B3GAT2: variants seen among roughly 807,000 people sequenced by gnomAD.
B3GAT2 encodes the protein galactosylgalactosylxylosylprotein 3-beta-glucuronosyltransferase 2.
B3GAT2 carries 26 observed loss-of-function variants against 27.8 expected under a neutral mutation model. The observed-to-expected ratio is 0.93, with a 90% CI of 0.68 to 1.30. The LOEUF (loss-of-function observed/expected upper bound fraction) is 1.30. Ranked by LOEUF, B3GAT2 falls within the 50% of genes most tolerant of loss-of-function variation. The probability of loss-of-function intolerance (pLI) is 0.00; values close to 1 mark genes in which losing one functional copy is unlikely to be tolerated. For missense variants in B3GAT2, 458 were observed against 459.0 expected (o/e 1.00, Z 0.02); for synonymous variants, 218 against 195.1 (o/e 1.12, Z -0.98).
At chr6:70,875,235 G>C (rs1261805125) in intron 2 of B3GAT2, among the ~76,000 whole-genome samples, 1 of 149,206 alleles carries the variant, frequency 6.7e-6, no homozygotes, top group East Asian at 2.0e-4. Flanking sequence ...CTGTAATGTA[G>C]GGTTTGATGA....
intron 1 of B3GAT2, among the ~76,000 whole-genome samples, chr6:70,937,971 T>C (rs1343763873): frequency 6.6e-6 from 1 of 151,356 alleles, no homozygotes; most frequent in East Asian, 1.9e-4. Context: ...TTGTCCCTGT[T>C]TGCAGACGAC....
At chr6:70,889,585 T>C (rs1772251899) in intron 2 of B3GAT2, among the ~76,000 whole-genome samples, 1 of 152,104 alleles carries the variant, frequency 6.6e-6, no homozygotes, top group South Asian at 2.1e-4. Flanking sequence ...ACCTCAGTCC[T>C]TAGAATCAGA....
chr6:70,904,911 C>G (rs563007435), intron 1 of B3GAT2, among the ~76,000 whole-genome samples: 6 of 152,062 alleles, frequency 3.9e-5, no homozygotes, highest in Admixed American at 6.6e-5. Context: ...GCCAAGTGGT[C>G]AAGTTTGGCA....
chr6:70,915,477 G>C (rs1194389218), intron 1 of B3GAT2, among the ~76,000 whole-genome samples: 1 of 152,136 alleles, frequency 6.6e-6, no homozygotes, highest in East Asian at 1.9e-4. Context: ...TAAAGTCTTT[G>C]CCCATGCCTA....
chr6:70,942,491 T>C (rs1765410979), intron 1 of B3GAT2, among the ~76,000 whole-genome samples: 1 of 152,174 alleles, frequency 6.6e-6, no homozygotes, highest in Non-Finnish European at 1.5e-5. Context: ...CCTGTTGTTC[T>C]TTACTTCTCA....
chr6:70,920,170 C>A (rs1297732830), intron 1 of B3GAT2, among the ~76,000 whole-genome samples: 1 of 152,174 alleles, frequency 6.6e-6, no homozygotes, highest in African/African-American at 2.4e-5. Flanking sequence ...CATCCCAGGT[C>A]GATCTCAGAC....
intron 2 of B3GAT2, among the ~76,000 whole-genome samples, chr6:70,882,777 C>T (rs891103349): frequency 2.6e-5 from 4 of 152,022 alleles, no homozygotes; most frequent in East Asian, 1.9e-4. Context: ...GAATGCATGC[C>T]GCAGAGGAAA....
At chr6:70,953,174 G>A (rs1390124232) in intron 1 of B3GAT2, among the ~76,000 whole-genome samples, 4 of 152,162 alleles carry the variant, frequency 2.6e-5, no homozygotes, top group Non-Finnish European at 5.9e-5. Context: ...TGAGATATAT[G>A]CCTCAGCCCT....
chr6:70,956,256 G>T lies in B3GAT2; in HGVS notation c.174C>A (p.Gly58=). The change falls in exon 1 of 4, where the codon GGC becomes GGA. Residue 58 remains glycine, a synonymous_variant. Transcript: ENST00000230053. ...TGCGCTTTTGGGTCCCGTGAGCCGG[G>T]CCGCCCCTGCGGAGCGGGAGTCGGG... The part of the protein sequence containing the change: ...GGARLPLRRG[G]PAHGTQKRNQ... 1.2e-6 allele frequency: 2 copies of T among 1,610,978 alleles called. No individual in the cohort carries two copies. The highest frequency in any genetic ancestry group is 2.7e-5 in the African/African-American group (2 of 75,002).
rs950207910 is a variant in B3GAT2 at position 70,860,829 on chromosome 6, T to C, written c.*834A>G. The C allele has an allele frequency of 1.3e-5, 5 of 396,468 alleles. No individual in the cohort carries two copies. The highest frequency in any genetic ancestry group is 1.0e-4 in the African/African-American group (5 of 48,558). The allele number at this position is 396,468 out of a possible 1,614,324, so 24.6% of individuals were successfully genotyped here. On this transcript the variant is annotated 3_prime_UTR_variant, in exon 4 of 4. Coordinates refer to ENST00000230053, the MANE Select transcript of B3GAT2 (RefSeq NM_080742.3). The stretch of plus-strand genomic sequence containing the variant: ...AAAATGCTCTTATTTCATCATTCAC[T>C]TCACTGTGCTGTTGTTATGATGTGC...
At chr6:70,894,385 C>G in intron 1 of B3GAT2, 113 bp from the exon 2 acceptor site, 1 of 1,203,938 alleles carries the variant, frequency 8.3e-7, no homozygotes, top group African/African-American at 1.5e-5. Context: ...ATTTCAAAAG[C>G]TGAAGGTTTC....
At chr6:70,948,015 T>C (rs1582401242) in intron 1 of B3GAT2, among the ~76,000 whole-genome samples, 1 of 151,978 alleles carries the variant, frequency 6.6e-6, no homozygotes, top group Non-Finnish European at 1.5e-5. Context: ...AAAAGGCCTT[T>C]GACAAAATTC....
intron 1 of B3GAT2, among the ~76,000 whole-genome samples, chr6:70,913,430 T>C (rs1772719327): frequency 6.6e-6 from 1 of 152,232 alleles, no homozygotes; most frequent in Non-Finnish European, 1.5e-5. Context: ...TCAAAAAATG[T>C]CTTGATTTCT....
At chr6:70,935,815 C>A (rs893111753) in intron 1 of B3GAT2, among the ~76,000 whole-genome samples, 8 of 152,080 alleles carry the variant, frequency 5.3e-5, no homozygotes, top group African/African-American at 1.9e-4. Flanking sequence ...AACGTAAAGA[C>A]CATCAAGGCT....
At chr6:70,944,796 C>T (rs944111309) in intron 1 of B3GAT2, among the ~76,000 whole-genome samples, 6 of 152,200 alleles carry the variant, frequency 3.9e-5, no homozygotes, top group African/African-American at 7.2e-5. Context: ...CCCTGACCCC[C>T]GAGCAGCCTA....
In B3GAT2 at chr6:70,858,309, T is replaced by A; in HGVS notation, c.*3354A>T. ...AATCTTTTTTTTTTTTTTTTTTTTT[T>A]TTTTTTAAGTCTAGTGATCTGGCAG... On this transcript the variant is annotated 3_prime_UTR_variant, in exon 4 of 4. Coordinates refer to ENST00000230053, the MANE Select transcript of B3GAT2 (RefSeq NM_080742.3). 7.9e-7 allele frequency: 1 copy of A among 1,265,578 alleles called. No homozygotes were observed. The highest frequency in any genetic ancestry group is 1.1e-6 in the Non-Finnish European group (1 of 951,010). 78.4% of individuals were successfully genotyped at this position (1,265,578 alleles called of 1,614,324 possible).
chr6:70,865,044 C>T (rs1368149877), intron 2 of B3GAT2, among the ~76,000 whole-genome samples: 1 of 152,174 alleles, frequency 6.6e-6, no homozygotes, highest in Non-Finnish European at 1.5e-5. Context: ...TCTGTATCTG[C>T]AGATGCATCT....
At position 70,949,720 on chromosome 6, in the gene B3GAT2, C is replaced by T. The variant is rs576558701; in HGVS notation, c.591+6119G>A. ...CATTACTGGGTATATACCCAAAGGA[C>T]TATAAATCATGCTGCTATAAAGACA... On this transcript the variant is annotated intron_variant, in intron 1 of 3. Transcript: ENST00000230053. Among the ~76,000 whole-genome samples, 24 of 151,752 alleles carry T rather than the reference C, an allele frequency of 1.6e-4. 1 individual carries two copies. The South Asian group carries it at 4.0e-3, about 25-fold the overall frequency.
At chr6:70,933,920 AC>A (rs1424800467) in intron 1 of B3GAT2, among the ~76,000 whole-genome samples, 1 of 152,200 alleles carries the variant, frequency 6.6e-6, no homozygotes, top group Non-Finnish European at 1.5e-5. Context: ...AATTCTCAGA[AC>A]CATATGTATT....
Sources: allele counts gnomAD v4.1 joint callset (sites outside exome capture counted in the v4.1 genomes callset), GRCh38; gene constraint gnomAD v4.1.1; transcripts MANE v1.5; gene names NCBI Gene and HGNC (gene_info 2026-07-23, HGNC 2026-07-21).